The following ROBO2 variants were observed in gnomAD, a reference collection of about 807,000 sequenced individuals.
ROBO2 encodes roundabout homolog 2.
Under a neutral mutation model 160.8 loss-of-function variants are expected in ROBO2, and 53 were observed. The observed-to-expected ratio is 0.33, with a 90% CI of 0.26 to 0.41. The LOEUF is 0.41. Among genes scored for constraint, ROBO2 ranks in the 10% least tolerant of loss-of-function variants. ROBO2 has a pLI of 1.00. For missense variants in ROBO2, 1,577 were observed against 1,722.4 expected (o/e 0.92, Z 1.49); for synonymous variants, 664 against 611.7 (o/e 1.09, Z -1.26).
intron 2 of ROBO2, among the ~76,000 whole-genome samples, chr3:77,441,442 AATG>A (rs956403105): frequency 6.6e-6 from 1 of 152,128 alleles, no homozygotes; most frequent in Non-Finnish European, 1.5e-5. Context: ...ACACAAGAAA[AATG>A]ATAACAGTGT....
intron 2 of ROBO2, among the ~76,000 whole-genome samples, chr3:77,449,336 A>T (rs961472161): frequency 3.3e-5 from 5 of 152,150 alleles, no homozygotes; most frequent in African/African-American, 1.2e-4. Flanking sequence ...TTCCATTTTT[A>T]AATTTTTAAA....
intron 2 of ROBO2, among the ~76,000 whole-genome samples, chr3:76,973,911 G>A (rs1477206560): frequency 6.6e-6 from 1 of 152,126 alleles, no homozygotes; most frequent in Non-Finnish European, 1.5e-5. Flanking sequence ...TGGGGACACA[G>A]GTGGGGATGG....
chr3:76,005,625 A>G (rs1186566970), intron 2 of ROBO2, among the ~76,000 whole-genome samples: 1 of 152,240 alleles, frequency 6.6e-6, no homozygotes, highest in Admixed American at 6.5e-5. Context: ...CACTTTTGAT[A>G]AGCCAATAAT....
chr3:76,221,031 A>G (rs191103698), intron 2 of ROBO2, among the ~76,000 whole-genome samples: 1 of 137,344 alleles, frequency 7.3e-6, no homozygotes, highest in East Asian at 2.2e-4. Context: ...ATACTAGGAG[A>G]CATCATGAAG....
intron 2 of ROBO2, among the ~76,000 whole-genome samples, chr3:76,901,712 A>G (rs1233708020): frequency 6.6e-6 from 1 of 151,982 alleles, no homozygotes; most frequent in Non-Finnish European, 1.5e-5. Context: ...TTTTACCCAG[A>G]TGCTTAAGAA....
chr3:77,357,040 G>T (rs1237467762), intron 2 of ROBO2, among the ~76,000 whole-genome samples: 1 of 152,126 alleles, frequency 6.6e-6, no homozygotes, highest in Non-Finnish European at 1.5e-5. Flanking sequence ...ACCTTTCTTG[G>T]ATTATTATAA....
At chr3:77,158,147 A>T (rs1361344097) in intron 2 of ROBO2, among the ~76,000 whole-genome samples, 1 of 152,126 alleles carries the variant, frequency 6.6e-6, no homozygotes, top group Non-Finnish European at 1.5e-5. Context: ...ACTTTGAAGG[A>T]TATTTAAGTT....
In ROBO2 at chr3:76,895,059, G is replaced by C. The variant is rs144247699; in HGVS notation, c.110-202955G>C. The stretch of plus-strand genomic sequence containing the variant: ...AAAAGTAGATTTTTAACTTTGAATT[G>C]AGATATTCCTGACTGGAGGGATTTG... On this transcript the variant is annotated intron_variant, in intron 2 of 26. Transcript: ENST00000487694. Among the ~76,000 whole-genome samples, 62 of 152,120 alleles carry C rather than the reference G, an allele frequency of 4.1e-4. No individual in the cohort carries two copies. The Middle Eastern group carries it at 0.01, about 25-fold the overall frequency.
chr3:77,412,876 C>T (rs1028956558), intron 2 of ROBO2, among the ~76,000 whole-genome samples: 16 of 152,092 alleles, frequency 1.1e-4, no homozygotes, highest in Admixed American at 8.5e-4. Flanking sequence ...TTTGGGGATG[C>T]GTCAGTGCTG....
chr3:76,121,729 A>G (rs1253414851), intron 2 of ROBO2, among the ~76,000 whole-genome samples: 1 of 152,082 alleles, frequency 6.6e-6, no homozygotes, highest in Non-Finnish European at 1.5e-5. Context: ...ATCCACCTAT[A>G]ATTCACTGAA....
intron 2 of ROBO2, among the ~76,000 whole-genome samples, chr3:76,134,207 A>G (rs2071340141): frequency 6.6e-6 from 1 of 152,124 alleles, no homozygotes; most frequent in Non-Finnish European, 1.5e-5. Context: ...AATTACTAAA[A>G]GACACGAGGA....
At chr3:76,166,598 G>A (rs758001194) in intron 2 of ROBO2, among the ~76,000 whole-genome samples, 3 of 152,006 alleles carry the variant, frequency 2.0e-5, no homozygotes, top group Non-Finnish European at 4.4e-5. Flanking sequence ...AATTCAGGCA[G>A]TTGAGATTCA....
chr3:76,580,314 CCT>C lies in ROBO2; in HGVS notation c.110-517699_110-517698del, dbSNP rs947385888. The stretch of plus-strand genomic sequence containing the variant: ...CTCTCCCCCAACTGCTAACCCAACC[CCT>C]GTTTTTTTTTTGTTTTTTTTTTTGT... On this transcript the variant is annotated intron_variant, in intron 2 of 26. Transcript: ENST00000487694. 1.3e-4 allele frequency among the ~76,000 whole-genome samples: 13 copies of C among 99,282 alleles called. No homozygotes were observed. The South Asian group carries it at 1.4e-3, about 10-fold the overall frequency. 65.1% of individuals were successfully genotyped at this position (99,282 alleles called of 152,430 possible). A position where few individuals can be genotyped will look rare whatever the true frequency, so the allele number is the denominator to read the frequency against.
At chr3:76,749,748 C>T (rs149053188) in intron 2 of ROBO2, among the ~76,000 whole-genome samples, 89 of 152,104 alleles carry the variant, frequency 5.9e-4, no homozygotes, top group African/African-American at 2.0e-3. Context: ...GCATCAAAAA[C>T]GTATACTGAG....
chr3:76,172,436 T>TAAAAAAAAAAAAAA (rs59265395), intron 2 of ROBO2, among the ~76,000 whole-genome samples: 1 of 124,754 alleles, frequency 8.0e-6, no homozygotes, highest in Non-Finnish European at 1.7e-5. Context: ...GTATAATAAT[T>TAAAAAAAAAAAAAA]AAAAAAAAAA....
At chr3:76,770,350 A>G (rs189630135) in intron 2 of ROBO2, among the ~76,000 whole-genome samples, 11 of 151,448 alleles carry the variant, frequency 7.3e-5, no homozygotes, top group Admixed American at 1.3e-4. Flanking sequence ...TATTAAATAT[A>G]CTGATGGAAA....
intron 2 of ROBO2, among the ~76,000 whole-genome samples, chr3:77,269,116 ATTT>A (rs201503966): frequency 7.5e-5 from 8 of 106,504 alleles, no homozygotes; most frequent in Non-Finnish European, 1.6e-4. Context: ...AGGTTTCATA[ATTT>A]TTTTTTCCTA....
chr3:77,364,837 A>C (rs2070601965), intron 2 of ROBO2, among the ~76,000 whole-genome samples: 1 of 152,164 alleles, frequency 6.6e-6, no homozygotes, highest in East Asian at 1.9e-4. Flanking sequence ...CAGATAGATT[A>C]ATAGGAGAAA....
intron 16 of ROBO2, among the ~76,000 whole-genome samples, chr3:77,588,346 T>C (rs746450494): frequency 3.3e-5 from 5 of 152,220 alleles, no homozygotes; most frequent in Admixed American, 2.0e-4. Context: ...GACCGTGCCT[T>C]AGCAGAAAAG....
Sources: allele counts gnomAD v4.1 joint callset (sites outside exome capture counted in the v4.1 genomes callset), GRCh38; gene constraint gnomAD v4.1.1; transcripts MANE v1.5; gene names NCBI Gene and HGNC (gene_info 2026-07-23, HGNC 2026-07-21).